The following MEIKIN variants were observed in gnomAD, a reference collection of about 807,000 sequenced individuals.
MEIKIN encodes meiotic kinetochore factor.
rs562702555 is a variant in MEIKIN at position 131,945,301 on chromosome 5, G to A, written c.107-52C>T. The A allele has an allele frequency of 7.0e-4, 280 of 399,092 alleles. 1 individual carries two copies. Among genetic ancestry groups the A allele is most frequent in the African/African-American group, 5.4e-3 (264 of 48,754 alleles). 24.7% of individuals were successfully genotyped at this position (399,092 alleles called of 1,614,324 possible). On this transcript the variant is annotated intron_variant, in intron 1 of 12. Transcript: ENST00000442687. The stretch of plus-strand genomic sequence containing the variant: ...CAAGAAACCTACCCACCGGCTTCGG[G>A]GGGGTCCTGGGCCCGAGGCCTAGCA...
intron 8 of MEIKIN, among the ~76,000 whole-genome samples, chr5:131,892,290 G>A (rs1278049494): frequency 6.6e-6 from 1 of 152,184 alleles, no homozygotes; most frequent in Non-Finnish European, 1.5e-5. Flanking sequence ...AAGTTCTCCT[G>A]AATAGTATCC....
chr5:131,810,756 C>A (rs1772938174), intron 12 of MEIKIN, among the ~76,000 whole-genome samples: 1 of 152,162 alleles, frequency 6.6e-6, no homozygotes, highest in Non-Finnish European at 1.5e-5. Context: ...CAACGACTTA[C>A]CCACACCACC....
chr5:131,909,896 C>T (rs1001065750), intron 8 of MEIKIN, among the ~76,000 whole-genome samples: 2 of 152,168 alleles, frequency 1.3e-5, no homozygotes, highest in East Asian at 1.9e-4. Context: ...GTTAAAATGG[C>T]GTTTATCCAA....
chr5:131,823,283 T>A (rs756052219), intron 11 of MEIKIN, among the ~76,000 whole-genome samples: 1 of 152,248 alleles, frequency 6.6e-6, no homozygotes, highest in Non-Finnish European at 1.5e-5. Flanking sequence ...CTTTCTACCC[T>A]ATCTCTTTCT....
At chr5:131,943,905 G>A (rs1233515936) in intron 3 of MEIKIN, among the ~76,000 whole-genome samples, 1 of 152,074 alleles carries the variant, frequency 6.6e-6, no homozygotes, top group East Asian at 1.9e-4. Context: ...ATCACTTGAG[G>A]TCAGGAGTTC....
intron 8 of MEIKIN, among the ~76,000 whole-genome samples, chr5:131,896,916 C>A (rs1215403536): frequency 6.6e-6 from 1 of 152,154 alleles, no homozygotes; most frequent in Non-Finnish European, 1.5e-5. Context: ...TGAATTTGAT[C>A]CTGTCATTAT....
rs573665151 is a variant in MEIKIN, at chr5:131,843,976, C to T, written c.975+7288G>A. The stretch of plus-strand genomic sequence containing the variant: ...GAAGAGGTTTAATTGACTCACAGTT[C>T]CACAGGCTGTACAGGAGTTATGGCT... On this transcript the variant is annotated intron_variant, in intron 11 of 12. Coordinates refer to ENST00000442687, the MANE Select transcript of MEIKIN (RefSeq NM_001303622.2). Among the ~76,000 whole-genome samples, 21 of 152,302 alleles carry T rather than the reference C, an allele frequency of 1.4e-4. No individual in the cohort carries two copies. The East Asian group carries it at 2.7e-3, about 20-fold the overall frequency.
intron 9 of MEIKIN, among the ~76,000 whole-genome samples, chr5:131,862,408 A>C (rs1397360407): frequency 6.6e-6 from 1 of 151,900 alleles, no homozygotes; most frequent in Non-Finnish European, 1.5e-5. Context: ...CATTTCATTG[A>C]TACTTTGTAT....
At chr5:131,856,829 T>C (rs1029022210) in intron 9 of MEIKIN, among the ~76,000 whole-genome samples, 6 of 151,726 alleles carry the variant, frequency 4.0e-5, no homozygotes, top group Admixed American at 3.9e-4. Flanking sequence ...TCAGTACATA[T>C]TTATAGTCTT....
chr5:131,915,374 A>G (rs1751400276), intron 7 of MEIKIN, among the ~76,000 whole-genome samples: 1 of 152,188 alleles, frequency 6.6e-6, no homozygotes, highest in South Asian at 2.1e-4. Flanking sequence ...GCCTTGCAGC[A>G]TGTATCAGTA....
chr5:131,921,115 C>T (rs1751497852), intron 6 of MEIKIN, among the ~76,000 whole-genome samples: 1 of 151,918 alleles, frequency 6.6e-6, no homozygotes, highest in Admixed American at 6.6e-5. Flanking sequence ...CTGCAGGAGA[C>T]TAGGGAGAAA....
intron 8 of MEIKIN, among the ~76,000 whole-genome samples, chr5:131,891,447 A>T (rs1750915035): frequency 6.6e-6 from 1 of 152,106 alleles, no homozygotes; most frequent in Non-Finnish European, 1.5e-5. Context: ...TTTCTTGTTG[A>T]ATTGATCTCT....
rs192280085 is a variant in MEIKIN at position 131,879,135 on chromosome 5, A to C, written c.704-87T>G. ...AAGGACAAGAGAATTCAAATTTGACAAAACAAAATAATATTTGTAAAACCC... is the reference window on the plus strand; with the variant it reads ...AAGGACAAGAGAATTCAAATTTGACCAAACAAAATAATATTTGTAAAACCC... On this transcript the variant is annotated intron_variant, in intron 8 of 12. Coordinates refer to ENST00000442687, the MANE Select transcript of MEIKIN (RefSeq NM_001303622.2). The C allele has an allele frequency of 7.4e-4, 292 of 395,806 alleles. 1 individual carries two copies. The highest frequency in any genetic ancestry group is 5.5e-3 in the African/African-American group (270 of 48,680). The allele number at this position is 395,806 out of a possible 1,614,324, so 24.5% of individuals were successfully genotyped here. A position where few individuals can be genotyped will look rare whatever the true frequency, so the allele number is the denominator to read the frequency against.
Position 131,818,658 on chromosome 5 carries a change from T to G in MEIKIN, c.1099+82A>C, listed in dbSNP as rs990475650. 5 of 385,666 alleles carry G rather than the reference T, an allele frequency of 1.3e-5. No individual in the cohort carries two copies. In the Admixed American group the frequency reaches 1.3e-4, roughly 10 times the overall value. 23.9% of individuals were successfully genotyped at this position (385,666 alleles called of 1,614,324 possible). Reference sequence around the variant, plus strand: ...CTTAGAATACAATTTATAATTGAATTTCCTGTGTACATAAGGCATTTTTAA... The same window carrying G: ...CTTAGAATACAATTTATAATTGAATGTCCTGTGTACATAAGGCATTTTTAA... On this transcript the variant is annotated intron_variant, in intron 12 of 12. Transcript: ENST00000442687.
At chr5:131,939,799 T>C (rs146510394) in intron 4 of MEIKIN, among the ~76,000 whole-genome samples, 3 of 152,332 alleles carry the variant, frequency 2.0e-5, no homozygotes, top group African/African-American at 4.8e-5. Flanking sequence ...AATTTTCTAT[T>C]TCCTTATACC....
chr5:131,897,830 T>A (rs1472908747), intron 8 of MEIKIN, among the ~76,000 whole-genome samples: 1 of 152,196 alleles, frequency 6.6e-6, no homozygotes. Flanking sequence ...AGGTTTTTCC[T>A]TGCAATAGGT....
chr5:131,898,638 G>A (rs1751096189), intron 8 of MEIKIN, among the ~76,000 whole-genome samples: 1 of 152,240 alleles, frequency 6.6e-6, no homozygotes, highest in Non-Finnish European at 1.5e-5. Context: ...AATGGCGGAA[G>A]GCCCTCCCCA....
At chr5:131,908,979 T>C (rs944625532) in intron 8 of MEIKIN, among the ~76,000 whole-genome samples, 2 of 152,158 alleles carry the variant, frequency 1.3e-5, no homozygotes, top group Non-Finnish European at 2.9e-5. Flanking sequence ...AGAATCAATA[T>C]TGTAAATATG....
intron 11 of MEIKIN, among the ~76,000 whole-genome samples, chr5:131,842,723 T>A (rs1166212621): frequency 1.3e-5 from 2 of 152,238 alleles, no homozygotes; most frequent in African/African-American, 4.8e-5. Flanking sequence ...ACATTCTATT[T>A]TAAGCTGATA....
Sources: allele counts gnomAD v4.1 joint callset (sites outside exome capture counted in the v4.1 genomes callset), GRCh38; gene constraint gnomAD v4.1.1; transcripts MANE v1.5; gene names NCBI Gene and HGNC (gene_info 2026-07-23, HGNC 2026-07-21).